Variants in CYTH1 observed in about 807,000 individuals in gnomAD.
CYTH1 encodes the protein cytohesin-1.
CYTH1 carries 18 observed loss-of-function variants against 61.8 expected under a neutral mutation model. The observed-to-expected ratio is 0.29, with a 90% CI of 0.20 to 0.43. The LOEUF (loss-of-function observed/expected upper bound fraction) is 0.43. CYTH1 is among the 20% of genes least tolerant of loss of function. The pLI is 1.00. For synonymous variants in CYTH1, 174 were observed against 184.3 expected (o/e 0.94, Z 0.45); for missense variants, 336 against 510.5 (o/e 0.66, Z 3.29).
At chr17:78,685,987 G>GTTCTT (rs1325826674) in intron 11 of CYTH1, among the ~76,000 whole-genome samples, 4 of 152,188 alleles carry the variant, frequency 2.6e-5, no homozygotes, top group Non-Finnish European at 5.9e-5. Flanking sequence ...GACCCTTTCT[G>GTTCTT]TAACAGTTTC....
intron 1 of CYTH1, among the ~76,000 whole-genome samples, chr17:78,757,105 AC>A (rs2093404896): frequency 6.7e-6 from 1 of 148,450 alleles, no homozygotes; most frequent in Admixed American, 6.8e-5. Flanking sequence ...CCGCCACCAT[AC>A]CCAGCTAATT....
intron 1 of CYTH1, among the ~76,000 whole-genome samples, chr17:78,758,289 G>A (rs1321918107): frequency 6.6e-6 from 1 of 152,184 alleles, no homozygotes; most frequent in Non-Finnish European, 1.5e-5. Flanking sequence ...CTTGCTGAGA[G>A]TGCCAAACTG....
intron 1 of CYTH1, among the ~76,000 whole-genome samples, chr17:78,776,840 A>G (rs1285882550): frequency 6.6e-6 from 1 of 150,820 alleles, no homozygotes; most frequent in Non-Finnish European, 1.5e-5. Context: ...AAAAGAAACC[A>G]ATAGGCCAGG....
At chr17:78,698,063 C>T (rs554451545) in intron 9 of CYTH1, among the ~76,000 whole-genome samples, 1 of 152,346 alleles carries the variant, frequency 6.6e-6, no homozygotes, top group African/African-American at 2.4e-5. Context: ...CTCTGGAGTC[C>T]TCTATAAGCC....
intron 1 of CYTH1, among the ~76,000 whole-genome samples, chr17:78,758,653 G>A (rs2093411255): frequency 6.6e-6 from 1 of 152,130 alleles, no homozygotes; most frequent in Non-Finnish European, 1.5e-5. Context: ...GTTGCAGTGG[G>A]CCGAGATTGC....
chr17:78,755,026 T>C (rs960978567), intron 1 of CYTH1, among the ~76,000 whole-genome samples: 2 of 152,144 alleles, frequency 1.3e-5, no homozygotes, highest in African/African-American at 4.8e-5. Context: ...AGCAGTTTTA[T>C]ACACAATAGC....
chr17:78,680,121 A>G, intron 13 of CYTH1, 69 bp downstream of exon 13: 2 of 1,582,548 alleles, frequency 1.3e-6, no homozygotes, highest in Admixed American at 3.5e-5. Flanking sequence ...TTAACCACTA[A>G]GATGATCAAC....
intron 11 of CYTH1, among the ~76,000 whole-genome samples, chr17:78,684,365 C>A (rs2092795224): frequency 6.6e-6 from 1 of 152,162 alleles, no homozygotes; most frequent in African/African-American, 2.4e-5. Flanking sequence ...ATGTAAAATC[C>A]CAAATATTAA....
intron 3 of CYTH1, among the ~76,000 whole-genome samples, chr17:78,706,487 G>A (rs910508794): frequency 1.3e-5 from 2 of 152,226 alleles, no homozygotes; most frequent in African/African-American, 4.8e-5. Flanking sequence ...CCTTCACACT[G>A]CTGAGTAATA....
At chr17:78,736,968 C>T in intron 1 of CYTH1, 1 of 156,844 alleles carries the variant, frequency 6.4e-6, no homozygotes, top group South Asian at 1.5e-4. Flanking sequence ...CCACCCAGTT[C>T]CTGAAGTCGA....
chr17:78,777,211 A>C (rs1347424102), intron 1 of CYTH1, among the ~76,000 whole-genome samples: 1 of 151,798 alleles, frequency 6.6e-6, no homozygotes, highest in Non-Finnish European at 1.5e-5. Flanking sequence ...CGAGGTCAGG[A>C]GATCGAGACC....
At chr17:78,709,801 C>A in intron 1 of CYTH1, 69 bp from the exon 2 acceptor site, 1 of 1,401,066 alleles carries the variant, frequency 7.1e-7, no homozygotes, top group South Asian at 1.2e-5. Context: ...GATCCAGAGG[C>A]CACAAAAGGA....
chr17:78,718,266 CA>C, intron 1 of CYTH1, among the ~76,000 whole-genome samples: 1 of 150,488 alleles, frequency 6.6e-6, no homozygotes, highest in Non-Finnish European at 1.5e-5. Context: ...CACACACACA[CA>C]CGCTCCTTCT....
chr17:78,702,495 A>T, intron 4 of CYTH1, 43 bp downstream of exon 4: 1 of 1,597,258 alleles, frequency 6.3e-7, no homozygotes, highest in South Asian at 1.1e-5. Context: ...CTATAAAAAA[A>T]CCCCATCTAA....
chr17:78,759,983 G>A (rs1314173474), intron 1 of CYTH1, among the ~76,000 whole-genome samples: 3 of 152,110 alleles, frequency 2.0e-5, no homozygotes, highest in African/African-American at 4.8e-5. Context: ...ATGTATGTAC[G>A]TATTTATTCA....
intron 1 of CYTH1, among the ~76,000 whole-genome samples, chr17:78,730,483 G>A (rs1165465228): frequency 1.3e-5 from 2 of 149,616 alleles, no homozygotes; most frequent in Non-Finnish European, 3.0e-5. Flanking sequence ...AGCTTGCAGT[G>A]AGCCGAGATC....
chr17:78,767,533 G>A (rs557752607), intron 1 of CYTH1, among the ~76,000 whole-genome samples: 3 of 151,600 alleles, frequency 2.0e-5, no homozygotes, highest in Non-Finnish European at 4.4e-5. Flanking sequence ...CTGAACAAAC[G>A]GATGAATAGA....
chr17:78,687,931 A>G (rs917800783), intron 11 of CYTH1, among the ~76,000 whole-genome samples: 1 of 152,148 alleles, frequency 6.6e-6, no homozygotes, highest in Non-Finnish European at 1.5e-5. Context: ...GCCTTTAGAG[A>G]GCGTCTCACT....
chr17:78,747,649 G>T (rs1364232646), intron 1 of CYTH1, among the ~76,000 whole-genome samples: 1 of 151,892 alleles, frequency 6.6e-6, no homozygotes, highest in Non-Finnish European at 1.5e-5. Flanking sequence ...CCTAATACAT[G>T]GCCTTGTGTG....
Sources: gnomAD v4.1 joint callset for allele counts (sites outside exome capture counted in the v4.1 genomes callset) on GRCh38, gnomAD v4.1.1 for gene constraint, MANE v1.5 for transcripts, NCBI Gene and HGNC (gene_info 2026-07-23, HGNC 2026-07-21) for gene names.